The following SYT1 variants were observed in gnomAD, a reference collection of about 807,000 sequenced individuals.
SYT1 encodes the protein synaptotagmin 1.
In SYT1, 8 loss-of-function variants were observed where a neutral mutation model predicts 44.8. The observed-to-expected ratio is 0.18, with a 90% CI of 0.10 to 0.32. The LOEUF is 0.32. Ranked by LOEUF, SYT1 falls within the 10% of genes least tolerant of loss-of-function variation. The pLI, the probability that SYT1 is intolerant of heterozygous loss-of-function variation, is 1.00. For synonymous variants in SYT1, 154 were observed against 188.8 expected (o/e 0.82, Z 1.51); for missense variants, 286 against 509.3 (o/e 0.56, Z 4.22).
At chr12:78,871,433 T>C in intron 1 of SYT1, among the ~76,000 whole-genome samples, 1 of 152,046 alleles carries the variant, frequency 6.6e-6, no homozygotes, top group East Asian at 1.9e-4. Flanking sequence ...TTTTCCCTCA[T>C]GATGTACTTA....
At chr12:79,331,893 T>A (rs142270123) in intron 8 of SYT1, among the ~76,000 whole-genome samples, 38 of 152,300 alleles carry the variant, frequency 2.5e-4, no homozygotes, top group African/African-American at 6.7e-4. Flanking sequence ...AATGTATGGA[T>A]CATTTTTCTC....
At chr12:79,424,953 C>CTTTTTTTTTTTTTT (rs398040025) in intron 9 of SYT1, among the ~76,000 whole-genome samples, 4 of 85,252 alleles carry the variant, frequency 4.7e-5, no homozygotes, top group Non-Finnish European at 9.4e-5. Context: ...TTTTCTTCTT[C>CTTTTTTTTTTTTTT]TTTTTTTTTT....
chr12:79,197,567 A>G (rs923695011), intron 3 of SYT1, among the ~76,000 whole-genome samples: 5 of 152,210 alleles, frequency 3.3e-5, no homozygotes, highest in Non-Finnish European at 7.3e-5. Flanking sequence ...ATGCTTAAGA[A>G]TTTTACTATA....
chr12:79,120,597 T>G (rs928531126), intron 3 of SYT1, among the ~76,000 whole-genome samples: 5 of 152,214 alleles, frequency 3.3e-5, no homozygotes, highest in Admixed American at 3.3e-4. Context: ...ATGTAACTTA[T>G]GCAAAGTATC....
intron 3 of SYT1, among the ~76,000 whole-genome samples, chr12:79,159,546 T>TA (rs1357973503): frequency 3.3e-5 from 5 of 152,204 alleles, no homozygotes; most frequent in Non-Finnish European, 7.3e-5. Context: ...TCTATCTTAT[T>TA]ATGGTAATTG....
chr12:79,253,070 A>G (rs1372597183), intron 4 of SYT1, among the ~76,000 whole-genome samples: 2 of 152,294 alleles, frequency 1.3e-5, no homozygotes, highest in Admixed American at 1.3e-4. Flanking sequence ...AGTCTCCTCC[A>G]GGTTTCCATT....
At chr12:78,867,864 A>G (rs911431917) in intron 1 of SYT1, among the ~76,000 whole-genome samples, 2 of 151,988 alleles carry the variant, frequency 1.3e-5, no homozygotes, top group Non-Finnish European at 2.9e-5. Flanking sequence ...AAATAGTATT[A>G]ATTATATGCT....
At chr12:78,876,785 T>A (rs1874125227) in intron 1 of SYT1, among the ~76,000 whole-genome samples, 1 of 56,680 alleles carries the variant, frequency 1.8e-5, no homozygotes, top group Non-Finnish European at 3.1e-5. Flanking sequence ...ATATATTATA[T>A]AATACATATA....
In SYT1 at chr12:78,902,196, GTATA is replaced by G. The variant is rs34023787; in HGVS notation, c.-217+37100_-217+37103del. 4.8e-4 allele frequency among the ~76,000 whole-genome samples: 72 copies of G among 149,170 alleles called. No individual in the cohort carries two copies. In the South Asian group the frequency reaches 0.013, roughly 27 times the overall value. On this transcript the variant is annotated intron_variant, in intron 1 of 10. Coordinates refer to ENST00000261205, the MANE Select transcript of SYT1 (RefSeq NM_005639.3). Reference sequence around the variant, plus strand: ...GAACTTAAAGTATAATAATAAATATGTATATATATATATATACTTTAATACTGAT... The same window carrying G: ...GAACTTAAAGTATAATAATAAATATGTATATATATATACTTTAATACTGAT...
intron 2 of SYT1, among the ~76,000 whole-genome samples, chr12:79,033,371 A>G (rs1872936421): frequency 6.6e-6 from 1 of 151,344 alleles, no homozygotes; most frequent in South Asian, 2.1e-4. Flanking sequence ...TCCTCATGTA[A>G]TTTGTTGAAT....
At chr12:79,445,098 G>A (rs1870631579) in intron 10 of SYT1, among the ~76,000 whole-genome samples, 1 of 152,054 alleles carries the variant, frequency 6.6e-6, no homozygotes, top group South Asian at 2.1e-4. Context: ...GAAAAACAAA[G>A]AGCAGACATC....
At chr12:79,087,482 C>T (rs1433313182) in intron 3 of SYT1, among the ~76,000 whole-genome samples, 2 of 152,066 alleles carry the variant, frequency 1.3e-5, no homozygotes, top group Non-Finnish European at 2.9e-5. Flanking sequence ...ATTCATCTAA[C>T]AAGCATGTAT....
chr12:79,103,844 AG>A (rs1220366455), intron 3 of SYT1, among the ~76,000 whole-genome samples: 1 of 152,156 alleles, frequency 6.6e-6, no homozygotes, highest in Non-Finnish European at 1.5e-5. Context: ...ATAATGCCAG[AG>A]GATGGGGCTC....
intron 1 of SYT1, among the ~76,000 whole-genome samples, chr12:78,931,306 G>GGAGGGAAGGAGA (rs1491126160): frequency 2.5e-5 from 1 of 40,784 alleles, no homozygotes. Context: ...AAGGAAGGAA[G>GGAGGGAAGGAGA]GAGAGGGAGG....
At chr12:79,317,331 C>A (rs777029238) in intron 8 of SYT1, among the ~76,000 whole-genome samples, 1 of 152,192 alleles carries the variant, frequency 6.6e-6, no homozygotes, top group Non-Finnish European at 1.5e-5. Context: ...AAACAACTTC[C>A]GGCACTGGCT....
intron 4 of SYT1, among the ~76,000 whole-genome samples, chr12:79,237,456 T>A (rs969416136): frequency 6.6e-6 from 1 of 152,080 alleles, no homozygotes; most frequent in Non-Finnish European, 1.5e-5. Context: ...GATGAAGAGA[T>A]AAATGAGCTG....
chr12:78,960,048 A>G (rs958273717), intron 1 of SYT1, among the ~76,000 whole-genome samples: 2 of 152,174 alleles, frequency 1.3e-5, no homozygotes, highest in Non-Finnish European at 2.9e-5. Context: ...AAATTTATAT[A>G]TTTTTAAATT....
intron 2 of SYT1, among the ~76,000 whole-genome samples, chr12:79,005,953 G>A (rs771199149): frequency 3.3e-5 from 5 of 152,058 alleles, no homozygotes; most frequent in African/African-American, 4.8e-5. Context: ...TTGGATAGGC[G>A]CTCTGTTTGC....
intron 4 of SYT1, among the ~76,000 whole-genome samples, chr12:79,277,494 C>A (rs928751785): frequency 3.4e-4 from 51 of 152,054 alleles, no homozygotes; most frequent in African/African-American, 1.2e-3. Flanking sequence ...AATTAGACTA[C>A]CTCTACAAGA....
Sources: allele counts gnomAD v4.1 joint callset (sites outside exome capture counted in the v4.1 genomes callset), GRCh38; gene constraint gnomAD v4.1.1; transcripts MANE v1.5; gene names NCBI Gene and HGNC (gene_info 2026-07-23, HGNC 2026-07-21).